ANK2: variants seen among roughly 807,000 people sequenced by gnomAD.
ANK2 encodes ankyrin 2.
In ANK2, 83 loss-of-function variants were observed where a neutral mutation model predicts 360.5. That is an observed-to-expected ratio of 0.23 (90% CI 0.19 to 0.28). The LOEUF (loss-of-function observed/expected upper bound fraction) is 0.28. Ranked by LOEUF, ANK2 falls within the 10% of genes least tolerant of loss-of-function variation. ANK2 has a pLI of 1.00. For missense variants in ANK2, 4,201 were observed against 4,795.7 expected, an observed-to-expected ratio of 0.88 and a Z score of 3.66; for synonymous variants, 1,740 against 1,759.5, an observed-to-expected ratio of 0.99 and a Z score of 0.28.
Position 113,357,895 on chromosome 4 carries a change from A to AC in ANK2, c.9281dup (p.Thr3095AsnfsTer3). The AC allele has an allele frequency of 6.2e-7, 1 of 1,614,060 alleles. No homozygotes were observed. The highest frequency in any genetic ancestry group is 8.5e-7 in the Non-Finnish European group (1 of 1,179,970). ...TGCTAGGACCCCAACTGAAGAGGGG[A>AC]CCCCAACAAGTGAGCAAAACCCATT... On this transcript the variant is annotated frameshift_variant, in exon 38 of 46. Coordinates refer to ENST00000357077, the MANE Select transcript of ANK2 (RefSeq NM_001148.6). LOFTEE classifies it high-confidence loss of function.
chr4:112,985,781 T>G (rs1462860360), intron 2 of ANK2, among the ~76,000 whole-genome samples: 1 of 152,030 alleles, frequency 6.6e-6, no homozygotes, highest in African/African-American at 2.4e-5. Context: ...TCAGGGACAG[T>G]AGGCATTGAT....
intron 1 of ANK2, among the ~76,000 whole-genome samples, chr4:113,096,843 G>A (rs768473663): frequency 1.3e-5 from 2 of 151,958 alleles, no homozygotes; most frequent in South Asian, 4.2e-4. Context: ...ACTTATGCAA[G>A]TAGGTCTCTG....
chr4:113,339,361 T>C (rs1216512466), intron 32 of ANK2, 39 bp downstream of exon 32: 1 of 1,539,312 alleles, frequency 6.5e-7, no homozygotes, highest in African/African-American at 1.4e-5. Context: ...CTATGATATG[T>C]TACCCTCCAA....
Position 113,021,541 on chromosome 4 carries a change from CATATAT to C in ANK2, c.21+117060_21+117065del, listed in dbSNP as rs57817594. 4.9e-3 allele frequency among the ~76,000 whole-genome samples: 469 copies of C among 95,626 alleles called. 20 individuals are homozygous for C. Among genetic ancestry groups the C allele is most frequent in the African/African-American group, 0.013 (330 of 26,170 alleles). 62.7% of individuals were successfully genotyped at this position (95,626 alleles called of 152,430 possible). On this transcript the variant is annotated intron_variant, in intron 2 of 30. Transcript: ENST00000503271. ...ATACACACACACACCCACACACAAACATATATATATATATATATATATATATATATA... is the reference window on the plus strand; with the variant it reads ...ATACACACACACACCCACACACAAACATATATATATATATATATATATATA...
Position 113,282,817 on chromosome 4 carries a change from C to G in ANK2, c.2024C>G (p.Thr675Arg). ...CATCTGGCCTCGCAGGAGGGGCACACAGATATGGTTACCTTGCTTCTGGAT... is the reference window on the plus strand; with the variant it reads ...CATCTGGCCTCGCAGGAGGGGCACAGAGATATGGTTACCTTGCTTCTGGAT... ...PLHLASQEGH[T>R]DMVTLLLDKG... The change falls in exon 18 of 46, where the codon ACA becomes AGA. Residue 675 changes from threonine (T) to arginine (R), a missense_variant. Coordinates refer to ENST00000357077, the MANE Select transcript of ANK2 (RefSeq NM_001148.6). The G allele has an allele frequency of 6.2e-7, 1 of 1,614,028 alleles. No individual in the cohort carries two copies. The highest frequency in any genetic ancestry group is 8.5e-7 in the Non-Finnish European group (1 of 1,179,962).
At chr4:113,349,385 A>T (rs2095241924) in intron 36 of ANK2, among the ~76,000 whole-genome samples, 1 of 152,136 alleles carries the variant, frequency 6.6e-6, no homozygotes, top group Non-Finnish European at 1.5e-5. Flanking sequence ...TGTTATTCCA[A>T]TGCATTCAAA....
rs147366089 is a variant in ANK2 at position 112,928,770 on chromosome 4, A to C, written c.21+24256A>C. ...AGAGGCTTCAGAAGAAACCAGTCCTACTTGACACTTCGATCTTGAACTTTT... is the reference window on the plus strand; with the variant it reads ...AGAGGCTTCAGAAGAAACCAGTCCTCCTTGACACTTCGATCTTGAACTTTT... On this transcript the variant is annotated intron_variant, in intron 2 of 30. Coordinates refer to the ANK2 transcript ENST00000503271. 1.3e-4 allele frequency among the ~76,000 whole-genome samples: 20 copies of C among 152,260 alleles called. No homozygotes were observed. The East Asian group carries it at 3.7e-3, about 28-fold the overall frequency.
At chr4:112,954,104 T>C (rs966928616) in intron 2 of ANK2, among the ~76,000 whole-genome samples, 11 of 152,312 alleles carry the variant, frequency 7.2e-5, no homozygotes, top group Non-Finnish European at 1.3e-4. Flanking sequence ...GTGTGAACAA[T>C]TTAATCCCTT....
intron 1 of ANK2, among the ~76,000 whole-genome samples, chr4:113,109,317 T>C (rs1034176487): frequency 6.6e-6 from 1 of 152,224 alleles, no homozygotes; most frequent in African/African-American, 2.4e-5. Flanking sequence ...TTGTTTCTGC[T>C]GTACACCTGG....
upstream of ANK2, among the ~76,000 whole-genome samples, chr4:112,813,247 A>AAG (rs1439201876): frequency 6.6e-6 from 1 of 151,138 alleles, no homozygotes; most frequent in African/African-American, 2.4e-5. Context: ...AAAAAAAAAA[A>AAG]AAAAATCAAA....
intron 1 of ANK2, among the ~76,000 whole-genome samples, chr4:113,064,456 G>A (rs184890644): frequency 7.5e-4 from 114 of 152,276 alleles, no homozygotes; most frequent in Admixed American, 1.5e-3. Flanking sequence ...CAGGATTAAG[G>A]AGGAGGGGCT....
intron 1 of ANK2, among the ~76,000 whole-genome samples, chr4:112,827,836 T>C (rs866955968): frequency 6.6e-6 from 1 of 152,132 alleles, no homozygotes; most frequent in Non-Finnish European, 1.5e-5. Flanking sequence ...TAAGTGACAA[T>C]AATATTTTTT....
intron 45 of ANK2, among the ~76,000 whole-genome samples, chr4:113,378,959 G>C (rs1282530950): frequency 1.3e-5 from 2 of 152,108 alleles, no homozygotes; most frequent in African/African-American, 4.8e-5. Flanking sequence ...AGTTACAATT[G>C]TGCTTCTCAC....
the ANK2 span, among the ~76,000 whole-genome samples, chr4:112,779,204 G>A: frequency 4.9e-3 from 748 of 152,228 alleles, 13 homozygotes; most frequent in Non-Finnish European, 7.1e-3. Flanking sequence ...GTAATTTTCT[G>A]GATAATTCTG....
chr4:112,872,471 G>A (rs1229268126), intron 1 of ANK2, among the ~76,000 whole-genome samples: 1 of 152,046 alleles, frequency 6.6e-6, no homozygotes, highest in Non-Finnish European at 1.5e-5. Context: ...CCGAGTAGCT[G>A]TGATTACAGG....
chr4:113,323,428 A>C (rs1206184151), intron 26 of ANK2, among the ~76,000 whole-genome samples: 1 of 152,194 alleles, frequency 6.6e-6, no homozygotes, highest in Non-Finnish European at 1.5e-5. Context: ...GTGTCCATCA[A>C]ATCAAAGACT....
intron 1 of ANK2, among the ~76,000 whole-genome samples, chr4:112,834,230 T>G (rs2060502890): frequency 6.6e-6 from 1 of 152,228 alleles, no homozygotes; most frequent in Non-Finnish European, 1.5e-5. Context: ...ATATTAAAAA[T>G]TATTAACTTT....
chr4:113,029,649 C>T (rs1221440532), intron 2 of ANK2, among the ~76,000 whole-genome samples: 1 of 152,072 alleles, frequency 6.6e-6, no homozygotes, highest in African/African-American at 2.4e-5. Context: ...CACCAAGATC[C>T]AATGAATTGA....
At chr4:112,856,097 T>G (rs1429472526) in intron 1 of ANK2, among the ~76,000 whole-genome samples, 1 of 152,208 alleles carries the variant, frequency 6.6e-6, no homozygotes, top group Non-Finnish European at 1.5e-5. Context: ...ACTTTACATT[T>G]TTGGACTGTC....
Sources: gnomAD v4.1 joint callset for allele counts (sites outside exome capture counted in the v4.1 genomes callset) on GRCh38, gnomAD v4.1.1 for gene constraint, MANE v1.5 for transcripts, NCBI Gene and HGNC (gene_info 2026-07-23, HGNC 2026-07-21) for gene names.